Variants in CACNB4 observed in about 807,000 individuals in gnomAD.
CACNB4 encodes voltage-dependent L-type calcium channel subunit beta-4.
A neutral mutation model predicts 71.2 loss-of-function variants in CACNB4; 32 were observed. The ratio of observed to expected loss-of-function variants is 0.45; its 90% CI spans 0.34 to 0.60. The LOEUF (loss-of-function observed/expected upper bound fraction) is 0.60. CACNB4 is among the 20% of genes least tolerant of loss of function. The probability of loss-of-function intolerance (pLI) is 0.01; values close to 1 mark genes in which losing one functional copy is unlikely to be tolerated. For synonymous variants in CACNB4, 231 were observed against 236.9 expected, an observed-to-expected ratio of 0.97 and a Z score of 0.23; for missense variants, 464 against 647.9, an observed-to-expected ratio of 0.72 and a Z score of 3.08.
At chr2:152,048,740 T>C (rs1191829911) in intron 2 of CACNB4, 2 of 152,268 alleles carry the variant, frequency 1.3e-5, no homozygotes, top group African/African-American at 4.8e-5. Context: ...TATAGGACCT[T>C]GGGCAAATCA....
chr2:151,846,174 TG>T (rs2099837518), intron 12 of CACNB4, among the ~76,000 whole-genome samples: 1 of 152,220 alleles, frequency 6.6e-6, no homozygotes, highest in African/African-American at 2.4e-5. Context: ...TTGTGGTTGC[TG>T]GGGATCTCAG....
At chr2:151,859,241 C>T (rs1393163771) in intron 10 of CACNB4, 2 of 152,210 alleles carry the variant, frequency 1.3e-5, no homozygotes, top group African/African-American at 4.8e-5. Context: ...TAACATGCCC[C>T]CCATCCACCC....
intron 2 of CACNB4, among the ~76,000 whole-genome samples, chr2:151,998,981 C>G (rs1004163987): frequency 2.6e-5 from 4 of 152,182 alleles, no homozygotes; most frequent in Admixed American, 1.3e-4. Flanking sequence ...TCTCTGTCAC[C>G]TTGGTGCCAA....
At chr2:152,096,679 C>T (rs1053137062) in intron 2 of CACNB4, among the ~76,000 whole-genome samples, 3 of 152,124 alleles carry the variant, frequency 2.0e-5, no homozygotes, top group Non-Finnish European at 2.9e-5. Flanking sequence ...GCATGCAATA[C>T]TTTTAACATT....
At chr2:151,944,097 C>T (rs2099864974) in intron 2 of CACNB4, among the ~76,000 whole-genome samples, 1 of 149,896 alleles carries the variant, frequency 6.7e-6, no homozygotes, top group East Asian at 2.0e-4. Context: ...GGAGTGACCA[C>T]AGCTCACTAT....
intron 12 of CACNB4, chr2:151,851,546 C>T (rs1052417792): frequency 1.5e-4 from 23 of 152,162 alleles, no homozygotes; most frequent in African/African-American, 5.3e-4. Flanking sequence ...TTTACAGATG[C>T]AAATATCTTT....
chr2:151,895,614 A>C (rs2099851857), intron 2 of CACNB4, among the ~76,000 whole-genome samples: 1 of 152,132 alleles, frequency 6.6e-6, no homozygotes, highest in Non-Finnish European at 1.5e-5. Flanking sequence ...TTAAAAACAA[A>C]AACATTATAA....
chr2:151,987,400 T>C (rs1049062219), intron 2 of CACNB4, among the ~76,000 whole-genome samples: 3 of 152,212 alleles, frequency 2.0e-5, no homozygotes, highest in African/African-American at 7.2e-5. Flanking sequence ...TCTCTCTCCA[T>C]GGGCTATTTT....
At position 151,965,475 on chromosome 2, in the gene CACNB4, G is replaced by A. The variant is rs544293796; in HGVS notation, c.148-82105C>T. 3.3e-5 allele frequency among the ~76,000 whole-genome samples: 5 copies of A among 152,198 alleles called. No homozygotes were observed. In the East Asian group the frequency reaches 7.7e-4, roughly 23 times the overall value. On this transcript the variant is annotated intron_variant, in intron 2 of 13. Transcript: ENST00000539935. The stretch of plus-strand genomic sequence containing the variant: ...GGGTTTTTCAACTGATGAATTATTG[G>A]TTTTAGGACATCCCAAAGGATAATA...
In CACNB4 at chr2:152,026,519, G is replaced by A. The variant is rs1235234586; in HGVS notation, c.147+71811C>T. Among the ~76,000 whole-genome samples the A allele has an allele frequency of 3.3e-5, 5 of 151,922 alleles. No homozygotes were observed. The East Asian group carries it at 9.7e-4, about 29-fold the overall frequency. ...CATGCCTCAGCCCCCTGAATAGCTGGGAATACAGGTGCATGCCACCACGCG... is the reference window on the plus strand; with the variant it reads ...CATGCCTCAGCCCCCTGAATAGCTGAGAATACAGGTGCATGCCACCACGCG... On this transcript the variant is annotated intron_variant, in intron 2 of 13. Coordinates refer to ENST00000539935, the MANE Select transcript of CACNB4 (RefSeq NM_000726.5).
intron 2 of CACNB4, among the ~76,000 whole-genome samples, chr2:151,982,547 T>C (rs1197359729): frequency 2.0e-5 from 3 of 148,672 alleles, no homozygotes; most frequent in Non-Finnish European, 4.4e-5. Context: ...GGCAGGAGAA[T>C]GGCCTGAACC....
chr2:151,924,073 C>CTTTTTTTTTTTTT (rs59036016), intron 2 of CACNB4, among the ~76,000 whole-genome samples: 4 of 91,418 alleles, frequency 4.4e-5, no homozygotes, highest in African/African-American at 8.4e-5. Flanking sequence ...ATTCTGAAAT[C>CTTTTTTTTTTTTT]TTTTTTTTTT....
chr2:151,979,682 G>C (rs1470558140), intron 2 of CACNB4, among the ~76,000 whole-genome samples: 1 of 152,172 alleles, frequency 6.6e-6, no homozygotes, highest in East Asian at 1.9e-4. Context: ...CACTACTGGA[G>C]AGACTGGAAT....
At chr2:151,892,887 G>A (rs1353412172) in intron 2 of CACNB4, among the ~76,000 whole-genome samples, 1 of 152,130 alleles carries the variant, frequency 6.6e-6, no homozygotes, top group East Asian at 1.9e-4. Context: ...AGGGGTTGCT[G>A]GAAATTATGT....
At chr2:152,056,764 T>C (rs1201080922) in intron 2 of CACNB4, among the ~76,000 whole-genome samples, 1 of 152,186 alleles carries the variant, frequency 6.6e-6, no homozygotes, top group East Asian at 1.9e-4. Context: ...TTAGTACCCA[T>C]TCAGGATGTC....
intron 2 of CACNB4, among the ~76,000 whole-genome samples, chr2:152,018,022 G>A (rs551541923): frequency 4.1e-4 from 62 of 151,784 alleles, no homozygotes; most frequent in African/African-American, 1.4e-3. Context: ...TAGTAGAGAC[G>A]GGGTTTCACC....
At chr2:151,871,542 G>A (rs1396264958) in intron 6 of CACNB4, 1 of 152,342 alleles carries the variant, frequency 6.6e-6, no homozygotes, top group Non-Finnish European at 1.5e-5. Flanking sequence ...GCGATTCTGT[G>A]GACATCCAAG....
chr2:152,065,941 C>T (rs904780230), intron 2 of CACNB4, among the ~76,000 whole-genome samples: 13 of 152,070 alleles, frequency 8.5e-5, no homozygotes, highest in African/African-American at 3.1e-4. Context: ...TAACACTATT[C>T]TTGGTTACAA....
intron 2 of CACNB4, chr2:151,967,784 A>G (rs1183938761): frequency 3.9e-5 from 6 of 152,212 alleles, no homozygotes; most frequent in African/African-American, 1.4e-4. Flanking sequence ...AAAGGCTAAA[A>G]GCAAATTCAA....
Sources: gnomAD v4.1 joint callset for allele counts (sites outside exome capture counted in the v4.1 genomes callset) on GRCh38, gnomAD v4.1.1 for gene constraint, MANE v1.5 for transcripts, NCBI Gene and HGNC (gene_info 2026-07-23, HGNC 2026-07-21) for gene names.